PLCB4: variants seen among roughly 807,000 people sequenced by gnomAD.
PLCB4 encodes the protein phospholipase C beta 4, also known as 1-phosphatidylinositol 4,5-bisphosphate phosphodiesterase beta-4.
PLCB4 carries 77 observed loss-of-function variants against 178.8 expected under a neutral mutation model. The ratio of observed to expected loss-of-function variants is 0.43; its 90% CI spans 0.36 to 0.52. PLCB4 has a LOEUF of 0.52. PLCB4 is among the 20% of genes least tolerant of loss of function. PLCB4 has a pLI of 0.00. For synonymous variants in PLCB4, 496 were observed against 490.8 expected (o/e 1.01, Z -0.14); for missense variants, 1,024 against 1,453.4 (o/e 0.70, Z 4.80).
chr20:9,310,129 A>C lies in PLCB4; in HGVS notation c.84+2231A>C, dbSNP rs558602689. ...TAAAAAATAATTATTTCCCACTCCT[A>C]TAAGACTCAGTTCTTTAGAGCCAGA... On this transcript the variant is annotated intron_variant, in intron 4 of 39. Coordinates refer to ENST00000378473, the MANE Select transcript of PLCB4 (RefSeq NM_001377142.1). 2.6e-5 allele frequency among the ~76,000 whole-genome samples: 4 copies of C among 152,320 alleles called. No individual in the cohort carries two copies. In the East Asian group the frequency reaches 7.7e-4, roughly 29 times the overall value.
chr20:9,213,087 C>A (rs1169878273), intron 2 of PLCB4, among the ~76,000 whole-genome samples: 1 of 145,834 alleles, frequency 6.9e-6, no homozygotes, highest in Non-Finnish European at 1.5e-5. Flanking sequence ...TGGGAACATA[C>A]CATATGTGGT....
intron 4 of PLCB4, among the ~76,000 whole-genome samples, chr20:9,315,022 C>T (rs1256717640): frequency 2.0e-5 from 3 of 152,120 alleles, no homozygotes; most frequent in Non-Finnish European, 4.4e-5. Context: ...CAAGCATGTG[C>T]CACCATGCCC....
At chr20:9,395,456 C>A in intron 18 of PLCB4, 67 bp from the exon 19 acceptor site, 1 of 1,057,594 alleles carries the variant, frequency 9.5e-7, no homozygotes, top group Non-Finnish European at 1.5e-6. Context: ...CAGTGTCGAT[C>A]TCAAGGCCTA....
chr20:9,173,900 T>A (rs2093108259), intron 2 of PLCB4, among the ~76,000 whole-genome samples: 1 of 152,182 alleles, frequency 6.6e-6, no homozygotes, highest in African/African-American at 2.4e-5. Flanking sequence ...CTTCAGGCTG[T>A]GACCTCTACA....
chr20:9,301,332 C>T (rs1421607844), intron 3 of PLCB4, among the ~76,000 whole-genome samples: 1 of 151,852 alleles, frequency 6.6e-6, no homozygotes, highest in African/African-American at 2.4e-5. Flanking sequence ...CACATACTGC[C>T]CTCTGTTCAC....
intron 2 of PLCB4, among the ~76,000 whole-genome samples, chr20:9,101,231 A>G (rs2146630756): frequency 6.6e-6 from 1 of 152,284 alleles, no homozygotes; most frequent in Admixed American, 6.5e-5. Context: ...CACAATGTGA[A>G]CAGTCCTGTA....
chr20:9,288,141 G>A (rs6077508), intron 3 of PLCB4, among the ~76,000 whole-genome samples: 10,001 of 152,126 alleles, frequency 0.066, 422 homozygotes, highest in Non-Finnish European at 0.1. Flanking sequence ...TTGCTTAAAT[G>A]TTATAACTTT....
intron 3 of PLCB4, among the ~76,000 whole-genome samples, chr20:9,233,777 T>G (rs1355373171): frequency 6.6e-6 from 1 of 152,186 alleles, no homozygotes; most frequent in Admixed American, 6.6e-5. Context: ...AGACAGCAGT[T>G]AGATGCATGA....
intron 1 of PLCB4, among the ~76,000 whole-genome samples, chr20:9,080,845 A>T (rs780914377): frequency 2.6e-5 from 4 of 152,178 alleles, no homozygotes; most frequent in Non-Finnish European, 4.4e-5. Context: ...AAAGTGTACA[A>T]AACAGGAGTC....
intron 35 of PLCB4, among the ~76,000 whole-genome samples, chr20:9,467,793 T>C (rs999271527): frequency 2.0e-5 from 3 of 152,198 alleles, no homozygotes; most frequent in East Asian, 3.8e-4. Context: ...TAGCAGTGCC[T>C]AGGTAACCTG....
At chr20:9,271,096 A>T (rs987833711) in intron 3 of PLCB4, among the ~76,000 whole-genome samples, 2 of 152,150 alleles carry the variant, frequency 1.3e-5, no homozygotes, top group Admixed American at 1.3e-4. Flanking sequence ...TAAAGGCCTT[A>T]TTGGGCAGAA....
intron 7 of PLCB4, among the ~76,000 whole-genome samples, chr20:9,347,801 C>T (rs1014408778): frequency 2.6e-5 from 4 of 152,250 alleles, no homozygotes; most frequent in Non-Finnish European, 5.9e-5. Context: ...CATGGTGAAA[C>T]CCTGTCTCTA....
intron 36 of PLCB4, among the ~76,000 whole-genome samples, chr20:9,471,702 C>T (rs145578345): frequency 1.2e-4 from 19 of 152,316 alleles, no homozygotes; most frequent in African/African-American, 4.3e-4. Flanking sequence ...CAATAAGCTC[C>T]ATTCCATAGG....
At chr20:9,416,625 A>G (rs17391344) in intron 25 of PLCB4, among the ~76,000 whole-genome samples, 1 of 152,156 alleles carries the variant, frequency 6.6e-6, no homozygotes, top group African/African-American at 2.4e-5. Context: ...CTGTATCATC[A>G]TATTTTCTAG....
chr20:9,155,926 T>C (rs888375378), intron 2 of PLCB4, among the ~76,000 whole-genome samples: 1 of 152,154 alleles, frequency 6.6e-6, no homozygotes, highest in African/African-American at 2.4e-5. Context: ...AAATACAGTA[T>C]GGACAATAAG....
intron 3 of PLCB4, among the ~76,000 whole-genome samples, chr20:9,271,149 C>T (rs1269182107): frequency 3.9e-5 from 6 of 152,138 alleles, no homozygotes; most frequent in South Asian, 2.1e-4. Flanking sequence ...TGAGGACTTA[C>T]CCCTGCCTGT....
chr20:9,244,735 G>C (rs140245842), intron 3 of PLCB4, among the ~76,000 whole-genome samples: 1 of 152,158 alleles, frequency 6.6e-6, no homozygotes, highest in Non-Finnish European at 1.5e-5. Flanking sequence ...TTTAAATGAA[G>C]TTCCCTTTTG....
At chr20:9,195,911 T>C (rs1309535794) in intron 2 of PLCB4, among the ~76,000 whole-genome samples, 1 of 152,108 alleles carries the variant, frequency 6.6e-6, no homozygotes, top group Non-Finnish European at 1.5e-5. Context: ...AAACCATGCC[T>C]GGGGAGGGGT....
intron 2 of PLCB4, among the ~76,000 whole-genome samples, chr20:9,119,340 A>T (rs2091885342): frequency 6.6e-6 from 1 of 152,180 alleles, no homozygotes; most frequent in African/African-American, 2.4e-5. Flanking sequence ...CCCATAGGAA[A>T]AAATCATTAT....
Sources: gnomAD v4.1 joint callset for allele counts (sites outside exome capture counted in the v4.1 genomes callset) on GRCh38, gnomAD v4.1.1 for gene constraint, MANE v1.5 for transcripts, NCBI Gene and HGNC (gene_info 2026-07-23, HGNC 2026-07-21) for gene names.